The following CSMD3 variants were observed in gnomAD, a reference collection of about 807,000 sequenced individuals.
The protein encoded by CSMD3 is CUB and Sushi multiple domains 3, also known as CUB and sushi domain-containing protein 3.
Under a neutral mutation model 435.2 loss-of-function variants are expected in CSMD3, and 177 were observed. The ratio of observed to expected loss-of-function variants is 0.41; its 90% CI spans 0.36 to 0.46. CSMD3 has a LOEUF of 0.46. Among genes scored for constraint, CSMD3 ranks in the 20% least tolerant of loss-of-function variants. CSMD3 has a pLI of 0.34. For synonymous variants in CSMD3, 1,656 were observed against 1,520.5 expected (o/e 1.09, Z -2.07); for missense variants, 4,265 against 4,504.6 (o/e 0.95, Z 1.52).
At chr8:112,646,839 T>C (rs2074993441) in intron 19 of CSMD3, among the ~76,000 whole-genome samples, 1 of 152,222 alleles carries the variant, frequency 6.6e-6, no homozygotes, top group Non-Finnish European at 1.5e-5. Flanking sequence ...TTTAAGCTTT[T>C]TTTATAAGAT....
intron 59 of CSMD3, among the ~76,000 whole-genome samples, chr8:112,266,513 T>C (rs1210974463): frequency 1.3e-5 from 2 of 152,194 alleles, no homozygotes; most frequent in African/African-American, 4.8e-5. Context: ...AATGTTAATT[T>C]GAAGATAAAA....
At chr8:112,537,596 G>A (rs1395029477) in intron 27 of CSMD3, among the ~76,000 whole-genome samples, 1 of 151,796 alleles carries the variant, frequency 6.6e-6, no homozygotes, top group Non-Finnish European at 1.5e-5. Context: ...AGACTATTAT[G>A]AAGAAGAATA....
chr8:112,477,167 C>T (rs965322885), intron 31 of CSMD3, among the ~76,000 whole-genome samples: 1 of 152,158 alleles, frequency 6.6e-6, no homozygotes, highest in Admixed American at 6.5e-5. Flanking sequence ...AATCCAGATA[C>T]ACCCTCTTTC....
chr8:112,983,994 C>T (rs1243098940), intron 6 of CSMD3, among the ~76,000 whole-genome samples: 1 of 151,520 alleles, frequency 6.6e-6, no homozygotes, highest in Admixed American at 6.6e-5. Context: ...TCTGTAGCAG[C>T]AAATTAATTA....
At chr8:112,592,374 G>C (rs945261341) in intron 22 of CSMD3, among the ~76,000 whole-genome samples, 8 of 151,522 alleles carry the variant, frequency 5.3e-5, no homozygotes, top group African/African-American at 1.7e-4. Context: ...TCTCCTTTTA[G>C]CCTCTCTAAA....
chr8:113,024,380 A>T (rs1046279311), intron 5 of CSMD3, among the ~76,000 whole-genome samples: 4 of 151,510 alleles, frequency 2.6e-5, no homozygotes, highest in Non-Finnish European at 4.4e-5. Context: ...CTTAGAGTCG[A>T]TTACTTGACT....
chr8:113,081,700 A>G (rs1043692366), intron 5 of CSMD3, among the ~76,000 whole-genome samples: 1 of 152,062 alleles, frequency 6.6e-6, no homozygotes, highest in Non-Finnish European at 1.5e-5. Context: ...CCGCATCTCA[A>G]AAATCCCTGG....
At chr8:112,593,406 A>G (rs1459386626) in intron 22 of CSMD3, among the ~76,000 whole-genome samples, 1 of 152,172 alleles carries the variant, frequency 6.6e-6, no homozygotes, top group Non-Finnish European at 1.5e-5. Context: ...ACTTGGAGAC[A>G]AGTTCGATGT....
In CSMD3 at chr8:112,954,746, T is replaced by C. The variant is rs1425533112; in HGVS notation, c.1358A>G (p.Asp453Gly). Reference protein sequence around the residue: ...VVTHRVKKAIDFKSRGFKLFP... With the variant: ...VVTHRVKKAIGFKSRGFKLFP... ...CAATTTAAATCCTCTAGATTTAAAA[T>C]CTATGGCCTTTTTCACTAGTTAAGA... Residue 453 changes from aspartate (D) to glycine (G), a missense_variant, in exon 8 of 71, where the codon GAT (aspartate) becomes GGT (glycine). Asp to Gly is a moderately conservative substitution (Grantham distance 94). Transcript: ENST00000297405. 6.3e-7 allele frequency: 1 copy of C among 1,580,446 alleles called. No homozygotes were observed. The highest frequency in any genetic ancestry group is 8.7e-7 in the Non-Finnish European group (1 of 1,151,226).
chr8:112,800,051 T>C, intron 13 of CSMD3, 111 bp downstream of exon 13: 1 of 718,812 alleles, frequency 1.4e-6, no homozygotes, highest in Non-Finnish European at 2.5e-6. Context: ...TGTTGAAATG[T>C]AGCATGTGTT....
chr8:112,650,344 T>G lies in CSMD3; in HGVS notation c.3010A>C (p.Thr1004Pro), dbSNP rs143795220. 3.1e-6 allele frequency: 5 copies of G among 1,612,652 alleles called. No individual in the cohort carries two copies. Among genetic ancestry groups the G allele is most frequent in the Non-Finnish European group, 4.2e-6 (5 of 1,178,722 alleles). Residue 1004 changes from threonine (T) to proline (P), a missense_variant, in exon 19 of 71, where the codon ACA becomes CCA. Coordinates refer to ENST00000297405, the MANE Select transcript of CSMD3 (RefSeq NM_198123.2). Reference protein sequence around the residue: ...NGFKIHYESVTVNTYSCLDPG... With the variant: ...NGFKIHYESVPVNTYSCLDPG... ...TCCAAACAAGAATACGTGTTCACTG[T>G]AACACCTGGAAAACAAAGGGAAGAA...
At chr8:112,986,084 C>A (rs1470734288) in intron 6 of CSMD3, among the ~76,000 whole-genome samples, 1 of 152,154 alleles carries the variant, frequency 6.6e-6, no homozygotes, top group African/African-American at 2.4e-5. Context: ...GCTTCAACCA[C>A]ATGACTCTGA....
chr8:113,248,137 G>A (rs1374073935), intron 3 of CSMD3, among the ~76,000 whole-genome samples: 1 of 151,878 alleles, frequency 6.6e-6, no homozygotes, highest in East Asian at 1.9e-4. Flanking sequence ...CTGACTTTTT[G>A]AAAATGTGGG....
chr8:112,865,942 C>T (rs1013207051), intron 10 of CSMD3, among the ~76,000 whole-genome samples: 5 of 151,972 alleles, frequency 3.3e-5, no homozygotes, highest in Admixed American at 2.0e-4. Context: ...ATTTTTTTCC[C>T]CTTTGGGCTT....
chr8:112,811,758 A>G (rs1348750054), intron 12 of CSMD3, among the ~76,000 whole-genome samples: 3 of 152,036 alleles, frequency 2.0e-5, no homozygotes, highest in Admixed American at 6.6e-5. Flanking sequence ...TTCTTTTTAC[A>G]TTTTGTGAAG....
At chr8:112,733,694 T>C (rs2077123616) in intron 13 of CSMD3, among the ~76,000 whole-genome samples, 1 of 152,058 alleles carries the variant, frequency 6.6e-6, no homozygotes, top group East Asian at 1.9e-4. Context: ...GTCAATATGA[T>C]AATGCAATTA....
At chr8:113,370,089 G>C (rs560546329) in intron 1 of CSMD3, among the ~76,000 whole-genome samples, 7 of 151,608 alleles carry the variant, frequency 4.6e-5, no homozygotes, top group Non-Finnish European at 1.0e-4. Context: ...ACTATATGAG[G>C]TAATGTATAT....
intron 31 of CSMD3, among the ~76,000 whole-genome samples, chr8:112,475,952 C>A (rs1455812317): frequency 6.6e-6 from 1 of 152,130 alleles, no homozygotes; most frequent in Non-Finnish European, 1.5e-5. Context: ...TCTTAAAAGC[C>A]TATATTCTTT....
chr8:112,293,833 C>A (rs2130699923), intron 54 of CSMD3, among the ~76,000 whole-genome samples: 1 of 152,126 alleles, frequency 6.6e-6, no homozygotes, highest in South Asian at 2.1e-4. Flanking sequence ...GACCCAAGAG[C>A]AATTATTTTT....
Sources: allele counts gnomAD v4.1 joint callset (sites outside exome capture counted in the v4.1 genomes callset), GRCh38; gene constraint gnomAD v4.1.1; transcripts MANE v1.5; gene names NCBI Gene and HGNC (gene_info 2026-07-23, HGNC 2026-07-21).